The following CCBE1 variants were observed in gnomAD, a reference collection of about 807,000 sequenced individuals.
CCBE1 encodes the protein collagen and calcium binding EGF domains 1, also known as collagen and calcium-binding EGF domain-containing protein 1.
In CCBE1, 37 loss-of-function variants were observed where a neutral mutation model predicts 50.0. The observed-to-expected ratio is 0.74, with a 90% CI of 0.57 to 0.97. CCBE1 has a LOEUF of 0.97. Among genes scored for constraint, CCBE1 ranks in the 50% least tolerant of loss-of-function variants. The probability of loss-of-function intolerance (pLI) is 0.00; values close to 1 mark genes in which losing one functional copy is unlikely to be tolerated. For synonymous variants in CCBE1, 234 were observed against 203.7 expected, an observed-to-expected ratio of 1.15 and a Z score of -1.27; for missense variants, 538 against 523.8, an observed-to-expected ratio of 1.03 and a Z score of -0.26.
intron 2 of CCBE1, among the ~76,000 whole-genome samples, chr18:59,666,346 C>T (rs2054356694): frequency 6.6e-6 from 1 of 152,190 alleles, no homozygotes; most frequent in Non-Finnish European, 1.5e-5. Flanking sequence ...GGTGGAGACA[C>T]AGCCAAACCA....
intron 9 of CCBE1, among the ~76,000 whole-genome samples, chr18:59,438,840 G>C (rs896173601): frequency 6.6e-6 from 1 of 152,182 alleles, no homozygotes; most frequent in Non-Finnish European, 1.5e-5. Flanking sequence ...GGATGTCAGT[G>C]CAAGAGGTAG....
intron 2 of CCBE1, 165 bp downstream of exon 2, chr18:59,696,464 C>A (rs1177613343): frequency 2.7e-6 from 4 of 1,489,604 alleles, no homozygotes; most frequent in Non-Finnish European, 3.6e-6. Flanking sequence ...GACTCCGATC[C>A]AACCAACCCT....
chr18:59,645,354 A>C (rs9951354), intron 2 of CCBE1, among the ~76,000 whole-genome samples: 4,506 of 152,362 alleles, frequency 0.03, 183 homozygotes, highest in African/African-American at 0.092. Context: ...CATTGGATAC[A>C]TTCAGTGTGA....
chr18:59,599,825 C>A (rs2053407001), intron 2 of CCBE1, among the ~76,000 whole-genome samples: 1 of 152,156 alleles, frequency 6.6e-6, no homozygotes, highest in Admixed American at 6.5e-5. Flanking sequence ...CAGACTTAGG[C>A]ATTTCTAAAG....
intron 2 of CCBE1, among the ~76,000 whole-genome samples, chr18:59,601,743 T>A (rs1027837724): frequency 2.0e-5 from 3 of 152,164 alleles, no homozygotes; most frequent in African/African-American, 7.2e-5. Flanking sequence ...TCAAAACTTG[T>A]GTGGAGAAAG....
chr18:59,664,328 T>A (rs533191696), intron 2 of CCBE1, among the ~76,000 whole-genome samples: 31 of 151,902 alleles, frequency 2.0e-4, no homozygotes, highest in Non-Finnish European at 3.5e-4. Flanking sequence ...AGCAAAGGCC[T>A]CCAAAGAGAG....
rs368609892 is a variant in CCBE1, at chr18:59,539,264, C to T, written c.213-59026G>A. Among the ~76,000 whole-genome samples the T allele has an allele frequency of 2.2e-4, 33 of 152,080 alleles. No homozygotes were observed. The East Asian group carries it at 4.3e-3, about 20-fold the overall frequency. Reference sequence around the variant, plus strand: ...CGTGACTGCCATCTTGCTGGCTCTCCCTGGGGCCTTGTGGCTTGCATGCTT... The same window carrying T: ...CGTGACTGCCATCTTGCTGGCTCTCTCTGGGGCCTTGTGGCTTGCATGCTT... On this transcript the variant is annotated intron_variant, in intron 2 of 10. Transcript: ENST00000439986.
chr18:59,694,929 G>C (rs1057045374), intron 2 of CCBE1, among the ~76,000 whole-genome samples: 1 of 152,076 alleles, frequency 6.6e-6, no homozygotes, highest in African/African-American at 2.4e-5. Context: ...TGTCATTTTT[G>C]CGAGATCTCA....
intron 2 of CCBE1, among the ~76,000 whole-genome samples, chr18:59,631,393 C>G (rs1360989694): frequency 6.6e-6 from 1 of 152,142 alleles, no homozygotes; most frequent in Non-Finnish European, 1.5e-5. Context: ...GTGAACAATT[C>G]TGAATTGGGT....
Position 59,432,675 on chromosome 18 carries a change from G to A in CCBE1, c.*3233C>T, listed in dbSNP as rs1909983935. The A allele has an allele frequency of 6.6e-6, 1 of 152,180 alleles. No homozygotes were observed. The highest frequency in any genetic ancestry group is 1.5e-5 in the Non-Finnish European group (1 of 68,030). 9.4% of individuals were successfully genotyped at this position (152,180 alleles called of 1,614,324 possible). ...CTAAATTAACTTGGTCCAGCAGATT[G>A]ACATTATAAAATACAGGTTACCATA... On this transcript the variant is annotated 3_prime_UTR_variant, in exon 11 of 11. Coordinates refer to ENST00000439986, the MANE Select transcript of CCBE1 (RefSeq NM_133459.4).
chr18:59,524,360 A>G (rs1439769584), intron 2 of CCBE1, among the ~76,000 whole-genome samples: 1 of 152,142 alleles, frequency 6.6e-6, no homozygotes, highest in African/African-American at 2.4e-5. Flanking sequence ...TATTATTCAA[A>G]AGACTATTTA....
intron 2 of CCBE1, among the ~76,000 whole-genome samples, chr18:59,690,854 G>A (rs1268444152): frequency 6.6e-6 from 1 of 152,208 alleles, no homozygotes; most frequent in East Asian, 1.9e-4. Flanking sequence ...CAGTGTCTGT[G>A]GCACAATTAA....
intron 2 of CCBE1, among the ~76,000 whole-genome samples, chr18:59,536,137 G>A (rs1174076046): frequency 6.6e-6 from 1 of 152,192 alleles, no homozygotes; most frequent in Non-Finnish European, 1.5e-5. Flanking sequence ...AACCATAATA[G>A]GTTTTGAGTC....
chr18:59,482,088 G>A lies in CCBE1; in HGVS notation c.213-1850C>T, dbSNP rs1325118974. Among the ~76,000 whole-genome samples the A allele has an allele frequency of 3.3e-5, 5 of 152,164 alleles. No homozygotes were observed. In the East Asian group the frequency reaches 9.7e-4, roughly 29 times the overall value. ...ACAGGCCCCAGTGTATGATGTTCCT[G>A]TCCCTGTGTCCATGTGTTCTCATTG... On this transcript the variant is annotated intron_variant, in intron 2 of 10. Transcript: ENST00000439986.
intron 2 of CCBE1, among the ~76,000 whole-genome samples, chr18:59,572,324 G>A (rs1470455592): frequency 6.6e-6 from 1 of 151,996 alleles, no homozygotes; most frequent in African/African-American, 2.4e-5. Flanking sequence ...CTGTGAAGCT[G>A]GAACCAATTG....
intron 2 of CCBE1, among the ~76,000 whole-genome samples, chr18:59,508,711 CT>C (rs55881131): frequency 0.033 from 3,174 of 95,614 alleles, 32 homozygotes; most frequent in African/African-American, 0.075. Context: ...TAGAGTTACG[CT>C]TTTTTTTTTT....
chr18:59,455,066 G>T, intron 5 of CCBE1, 115 bp from the exon 6 acceptor site: 1 of 804,182 alleles, frequency 1.2e-6, no homozygotes, highest in East Asian at 2.5e-5. Context: ...CGGGACATGC[G>T]AGGGCTCAAC....
At chr18:59,449,416 G>T (rs1910825594) in intron 6 of CCBE1, among the ~76,000 whole-genome samples, 1 of 151,128 alleles carries the variant, frequency 6.6e-6, no homozygotes, top group African/African-American at 2.4e-5. Context: ...GAGGTCAAGA[G>T]TTCGAGACCA....
intron 2 of CCBE1, among the ~76,000 whole-genome samples, chr18:59,494,660 T>C (rs1913263368): frequency 6.6e-6 from 1 of 152,112 alleles, no homozygotes; most frequent in Admixed American, 6.5e-5. Flanking sequence ...TTGCCATGAA[T>C]GAATATGAAT....
Sources: allele counts gnomAD v4.1 joint callset (sites outside exome capture counted in the v4.1 genomes callset), GRCh38; gene constraint gnomAD v4.1.1; transcripts MANE v1.5; gene names NCBI Gene and HGNC (gene_info 2026-07-23, HGNC 2026-07-21).